Variants in CREG2 observed in about 807,000 individuals in gnomAD.
CREG2 encodes the protein protein CREG2.
In CREG2, 24 loss-of-function variants were observed where a neutral mutation model predicts 26.2. The ratio of observed to expected loss-of-function variants is 0.92; its 90% CI spans 0.66 to 1.29. The LOEUF is 1.29. CREG2 is among the 50% of genes most tolerant of loss of function. The pLI, the probability that CREG2 is intolerant of heterozygous loss-of-function variation, is 0.00. For synonymous variants in CREG2, 174 were observed against 169.2 expected, an observed-to-expected ratio of 1.03 and a Z score of -0.22; for missense variants, 366 against 398.6, an observed-to-expected ratio of 0.92 and a Z score of 0.70.
At chr2:101,364,609 G>A (rs1181238850) in intron 2 of CREG2, among the ~76,000 whole-genome samples, 2 of 152,184 alleles carry the variant, frequency 1.3e-5, no homozygotes, top group Non-Finnish European at 2.9e-5. Flanking sequence ...CTTTAAAAAA[G>A]GGCTCTTACT....
intron 2 of CREG2, among the ~76,000 whole-genome samples, chr2:101,372,290 T>G (rs1354296746): frequency 1.3e-5 from 2 of 152,224 alleles, no homozygotes; most frequent in Non-Finnish European, 2.9e-5. Context: ...TACGCATGCC[T>G]GGCTTATAGT....
intron 2 of CREG2, among the ~76,000 whole-genome samples, chr2:101,359,958 G>T (rs761333748): frequency 2.0e-5 from 3 of 152,164 alleles, no homozygotes; most frequent in Non-Finnish European, 2.9e-5. Context: ...TGCAATCTAA[G>T]TCTGGCTCCT....
At chr2:101,362,988 C>T (rs901080909) in intron 2 of CREG2, among the ~76,000 whole-genome samples, 2 of 152,196 alleles carry the variant, frequency 1.3e-5, no homozygotes, top group African/African-American at 4.8e-5. Context: ...GCTCACTCAT[C>T]GAGGCTGGCC....
rs1166085340 is a variant in CREG2, at chr2:101,359,071, A to AAG, written c.612-3707_612-3706dup. On this transcript the variant is annotated intron_variant, in intron 2 of 3. Transcript: ENST00000324768. The stretch of plus-strand genomic sequence containing the variant: ...AAAAAAAAAAAAAAAAAAAAAAAAA[A>AAG]AGAGAGAACTGAGGCAAGTTTTAGA... Among the ~76,000 whole-genome samples, 8 of 13,570 alleles carry AAG rather than the reference A, an allele frequency of 5.9e-4. 1 individual carries two copies. Among genetic ancestry groups the AAG allele is most frequent in the African/African-American group, 9.4e-4 (8 of 8,486 alleles). The allele number at this position is 13,570 out of a possible 152,430, so 8.9% of individuals were successfully genotyped here.
intron 2 of CREG2, among the ~76,000 whole-genome samples, chr2:101,363,360 T>C (rs10166863): frequency 0.44 from 66,262 of 152,028 alleles, 15,035 homozygotes; most frequent in East Asian, 0.61. Context: ...AAGCTTGCCT[T>C]CTGGATAGTT....
At chr2:101,372,226 G>A (rs936687900) in intron 2 of CREG2, among the ~76,000 whole-genome samples, 15 of 152,180 alleles carry the variant, frequency 9.9e-5, no homozygotes, top group Non-Finnish European at 1.5e-5. Context: ...TTCAAATGAT[G>A]GTGACAAGTA....
At chr2:101,360,974 G>A (rs1684529913) in intron 2 of CREG2, among the ~76,000 whole-genome samples, 1 of 152,124 alleles carries the variant, frequency 6.6e-6, no homozygotes, top group Admixed American at 6.5e-5. Flanking sequence ...TTTAGAATTT[G>A]TGTCTGAATG....
chr2:101,377,239 G>A (rs1186970241), intron 2 of CREG2, among the ~76,000 whole-genome samples: 2 of 151,366 alleles, frequency 1.3e-5, no homozygotes, highest in African/African-American at 4.9e-5. Flanking sequence ...TAACAAAAAT[G>A]TATTCTACTC....
Position 101,387,144 on chromosome 2 carries a change from G to T in CREG2, c.314C>A (p.Ser105Tyr). The T allele has an allele frequency of 8.0e-7, 1 of 1,257,546 alleles. No homozygotes were observed. 77.9% of individuals were successfully genotyped at this position (1,257,546 alleles called of 1,614,324 possible). A position where few individuals can be genotyped will look rare whatever the true frequency, so the allele number is the denominator to read the frequency against. ...RPPPAPPGMFSYRREGGQTAS... is the reference protein window; with the variant it reads ...RPPPAPPGMFYYRREGGQTAS... Reference sequence around the variant, plus strand: ...CGTCTGGCCGCCCTCGCGCCGGTAGGAGAACATCCCGGGTGGCGCGGGGGG... The same window carrying T: ...CGTCTGGCCGCCCTCGCGCCGGTAGTAGAACATCCCGGGTGGCGCGGGGGG... Residue 105 changes from serine (S) to tyrosine (Y), a missense_variant, in exon 1 of 4, where the codon TCC (serine) becomes TAC (tyrosine). Ser to Tyr is a moderately radical substitution (Grantham distance 144, BLOSUM62 -2). Transcript: ENST00000324768. The surrounding 1 kb of genome is among the most constrained non-coding windows in gnomAD (Gnocchi z 4.7).
chr2:101,352,546 G>A (rs1384012699), intron 3 of CREG2, among the ~76,000 whole-genome samples: 2 of 152,144 alleles, frequency 1.3e-5, no homozygotes, highest in African/African-American at 2.4e-5. Flanking sequence ...AGTGGTTCAC[G>A]CCTGTCATCC....
chr2:101,365,171 GT>G (rs1684601307), intron 2 of CREG2, among the ~76,000 whole-genome samples: 1 of 152,214 alleles, frequency 6.6e-6, no homozygotes, highest in African/African-American at 2.4e-5. Flanking sequence ...TCCACTGCCA[GT>G]TTTATTCCTG....
rs1416833825 is a variant in CREG2, at chr2:101,349,419, AG to A, written c.*1503del. 2.0e-5 allele frequency: 3 copies of A among 152,774 alleles called. No homozygotes were observed. Among genetic ancestry groups the A allele is most frequent in the Non-Finnish European group, 4.4e-5 (3 of 68,032 alleles). 9.5% of individuals were successfully genotyped at this position (152,774 alleles called of 1,614,324 possible). On this transcript the variant is annotated 3_prime_UTR_variant, in exon 4 of 4. Coordinates refer to ENST00000324768, the MANE Select transcript of CREG2 (RefSeq NM_153836.4). ...GCTCTCGTCGTATGTTATTTTGTTA[AG>A]CAAAAGTTCATAATCATTAATAACA...
chr2:101,387,414 C>A lies in CREG2; in HGVS notation c.44G>T (p.Arg15Leu). The change falls in exon 1 of 4, where the codon CGC becomes CTC. Residue 15 changes from arginine to leucine, a missense_variant. Arg to Leu is a moderately radical substitution (Grantham distance 102). This residue lies in a region of CREG2 where 177 missense variants were observed against 183.3 expected (regional missense o/e 0.97). Coordinates refer to ENST00000324768, the MANE Select transcript of CREG2 (RefSeq NM_153836.4). This position sits in a 1 kb window ranked among gnomAD's most constrained non-coding sequence, Gnocchi z 4.7. ...GCTGCAGCACAGCAGCCAGGAGAGG[C>A]GGGTCCCCGGCCGCGCCGGCCGCCG... The part of the protein sequence containing the change: ...RGRRPARPGT[R>L]LSWLLCCSAL... The A allele has an allele frequency of 9.8e-7, 1 of 1,020,272 alleles. No individual in the cohort carries two copies. Among genetic ancestry groups the A allele is most frequent in the Non-Finnish European group, 1.2e-6 (1 of 808,858 alleles). The allele number at this position is 1,020,272 out of a possible 1,614,324, so 63.2% of individuals were successfully genotyped here.
chr2:101,383,625 G>A lies in CREG2; in HGVS notation c.519C>T (p.Phe173=), dbSNP rs1208518321. ...PFNNSTGIPF[F]YMTAKDPVVA... ...CCACGGGGTCCTTGGCTGTCATGTA[G>A]AAGAAAGGAATCCCAGTGCTATTGT... is the stretch of plus-strand genomic sequence containing the variant. The change falls in exon 2 of 4, where the codon TTC becomes TTT. Residue 173 remains phenylalanine, a synonymous_variant. Coordinates refer to ENST00000324768, the MANE Select transcript of CREG2 (RefSeq NM_153836.4). 6.2e-7 allele frequency: 1 copy of A among 1,614,196 alleles called. No homozygotes were observed. Among genetic ancestry groups the A allele is most frequent in the South Asian group, 1.1e-5 (1 of 91,082 alleles).
chr2:101,380,180 G>C lies in CREG2; in HGVS notation c.611+3353C>G, dbSNP rs181652494. On this transcript the variant is annotated intron_variant, in intron 2 of 3. Coordinates refer to ENST00000324768, the MANE Select transcript of CREG2 (RefSeq NM_153836.4). ...ACACGTACACATTATAGATACAATT[G>C]TTTGGCACCAAAGGGAGCTCTGAAA... Among the ~76,000 whole-genome samples the C allele has an allele frequency of 2.0e-3, 307 of 152,256 alleles. 2 individuals carry two copies. Among genetic ancestry groups the C allele is most frequent in the Middle Eastern group, 3.4e-3 (1 of 294 alleles).
intron 2 of CREG2, among the ~76,000 whole-genome samples, chr2:101,361,168 A>G (rs1318913947): frequency 2.0e-5 from 3 of 152,234 alleles, no homozygotes; most frequent in Non-Finnish European, 4.4e-5. Context: ...ATAGAAATAA[A>G]AAGGAGATTA....
chr2:101,350,857 G>C lies in CREG2; in HGVS notation c.*66C>G, dbSNP rs1684370865. 2 of 1,533,034 alleles carry C rather than the reference G, an allele frequency of 1.3e-6. No homozygotes were observed. Among genetic ancestry groups the C allele is most frequent in the Admixed American group, 1.7e-5 (1 of 58,492 alleles). The allele number at this position is 1,533,034 out of a possible 1,614,324, so 95.0% of individuals were successfully genotyped here. A position where few individuals can be genotyped will look rare whatever the true frequency, so the allele number is the denominator to read the frequency against. ...AACAAAGAGACAGTGGTCAATAGCT[G>C]TCTGGCTGCATCACTGAAAAGGTTT... On this transcript the variant is annotated 3_prime_UTR_variant, in exon 4 of 4. Coordinates refer to ENST00000324768, the MANE Select transcript of CREG2 (RefSeq NM_153836.4).
chr2:101,371,111 C>T (rs1292258409), intron 2 of CREG2, among the ~76,000 whole-genome samples: 1 of 152,172 alleles, frequency 6.6e-6, no homozygotes, highest in Non-Finnish European at 1.5e-5. Flanking sequence ...TGGCAGATGT[C>T]AAGAATAGAC....
chr2:101,375,686 G>T, intron 2 of CREG2: 2 of 194,720 alleles, frequency 1.0e-5, no homozygotes, highest in Non-Finnish European at 2.2e-5. Context: ...CATTTCCTCG[G>T]GACCACCCTA....
Sources: gnomAD v4.1 joint callset for allele counts (sites outside exome capture counted in the v4.1 genomes callset) on GRCh38, gnomAD v4.1.1 for gene constraint, gnomAD v4.1.1 regional missense constraint, Gnocchi (gnomAD v3.1) non-coding constraint, MANE v1.5 for transcripts, NCBI Gene and HGNC (gene_info 2026-07-23, HGNC 2026-07-21) for gene names.